The following CCSER1 variants were observed in gnomAD, a reference collection of about 807,000 sequenced individuals.
CCSER1 encodes serine-rich coiled-coil domain-containing protein 1.
CCSER1 carries 41 observed loss-of-function variants against 82.0 expected under a neutral mutation model. The ratio of observed to expected loss-of-function variants is 0.50; its 90% CI spans 0.39 to 0.65. The LOEUF (loss-of-function observed/expected upper bound fraction) is 0.65. CCSER1 is among the 30% of genes least tolerant of loss of function. The pLI is 0.00. For synonymous variants in CCSER1, 414 were observed against 383.9 expected, an observed-to-expected ratio of 1.08 and a Z score of -0.92; for missense variants, 1,119 against 1,064.2, an observed-to-expected ratio of 1.05 and a Z score of -0.72.
At chr4:90,752,680 C>T (rs914831991) in intron 7 of CCSER1, among the ~76,000 whole-genome samples, 1 of 152,048 alleles carries the variant, frequency 6.6e-6, no homozygotes, top group African/African-American at 2.4e-5. Flanking sequence ...CCTACAGCCT[C>T]TTCTCCAGAT....
chr4:91,325,755 C>A (rs1746513399), intron 10 of CCSER1, among the ~76,000 whole-genome samples: 1 of 152,150 alleles, frequency 6.6e-6, no homozygotes, highest in African/African-American at 2.4e-5. Flanking sequence ...TATTTCAGTT[C>A]CAGTATCAAT....
At chr4:90,559,835 A>G (rs1453200048) in intron 5 of CCSER1, among the ~76,000 whole-genome samples, 2 of 148,764 alleles carry the variant, frequency 1.3e-5, no homozygotes, top group Non-Finnish European at 3.0e-5. Flanking sequence ...AAAAAAAAAA[A>G]TAGCCGGGCA....
At chr4:90,422,509 C>A (rs142083482) in intron 4 of CCSER1, among the ~76,000 whole-genome samples, 1 of 152,058 alleles carries the variant, frequency 6.6e-6, no homozygotes, top group Non-Finnish European at 1.5e-5. Flanking sequence ...GTGGGAGGAT[C>A]GCTTACACCC....
At position 91,486,890 on chromosome 4, in the gene CCSER1, A is replaced by G. The variant is rs894707248; in HGVS notation, c.2218-111682A>G. On this transcript the variant is annotated intron_variant, in intron 10 of 10. Transcript: ENST00000509176. ...TAGATCTGCTCTTAGATTTTTTCCT[A>G]TAGGGATTGATTACCATTGTATAAT... 3.9e-5 allele frequency among the ~76,000 whole-genome samples: 6 copies of G among 152,086 alleles called. No individual in the cohort carries two copies. The East Asian group carries it at 1.2e-3, about 29-fold the overall frequency.
intron 9 of CCSER1, among the ~76,000 whole-genome samples, chr4:91,036,871 G>A (rs2150567959): frequency 6.6e-6 from 1 of 152,166 alleles, no homozygotes; most frequent in African/African-American, 2.4e-5. Flanking sequence ...TTGAGGTCAG[G>A]AGTTCGAGAC....
At chr4:91,357,358 T>C (rs1748915105) in intron 10 of CCSER1, among the ~76,000 whole-genome samples, 1 of 152,196 alleles carries the variant, frequency 6.6e-6, no homozygotes, top group South Asian at 2.1e-4. Context: ...ATAGACTCTT[T>C]AATCTTTTAT....
intron 9 of CCSER1, among the ~76,000 whole-genome samples, chr4:91,047,437 GA>G (rs1742609112): frequency 6.6e-6 from 1 of 151,912 alleles, no homozygotes; most frequent in Non-Finnish European, 1.5e-5. Context: ...CCACAATAAA[GA>G]AGCCATATAT....
chr4:90,713,792 G>T (rs758212480), intron 6 of CCSER1, among the ~76,000 whole-genome samples: 1 of 151,738 alleles, frequency 6.6e-6, no homozygotes, highest in Non-Finnish European at 1.5e-5. Context: ...ATCAGTCGTA[G>T]GTTCAGTCTC....
In CCSER1 at chr4:91,489,220, G is replaced by A. The variant is rs376222885; in HGVS notation, c.2218-109352G>A. Among the ~76,000 whole-genome samples the A allele has an allele frequency of 7.3e-4, 111 of 152,246 alleles. 1 individual carries two copies. In the East Asian group the frequency reaches 0.016, roughly 22 times the overall value. On this transcript the variant is annotated intron_variant, in intron 10 of 10. Transcript: ENST00000509176. ...AATTAAGTGACCAAAGCAGAGAGGG[G>A]TAGAAGAGGTATTGGGGTAGAATAT... is the stretch of plus-strand genomic sequence containing the variant.
At chr4:91,067,629 GC>G (rs34190587) in intron 9 of CCSER1, among the ~76,000 whole-genome samples, 59,665 of 151,804 alleles carry the variant, frequency 0.39, 12,656 homozygotes, top group East Asian at 0.69. Flanking sequence ...ACAGGTATGA[GC>G]CACTGCACCC....
At chr4:90,595,161 G>A (rs1036212444) in intron 5 of CCSER1, among the ~76,000 whole-genome samples, 7 of 151,720 alleles carry the variant, frequency 4.6e-5, no homozygotes, top group Non-Finnish European at 7.4e-5. Context: ...ATGTAATTTC[G>A]AATGCAATGT....
intron 1 of CCSER1, among the ~76,000 whole-genome samples, chr4:90,307,337 A>G (rs1323832495): frequency 6.6e-6 from 1 of 152,008 alleles, no homozygotes; most frequent in African/African-American, 2.4e-5. Flanking sequence ...ACTTCTCTCA[A>G]GGTTACCAAC....
At chr4:91,308,286 A>G (rs1433625203) in intron 10 of CCSER1, among the ~76,000 whole-genome samples, 1 of 151,944 alleles carries the variant, frequency 6.6e-6, no homozygotes, top group Non-Finnish European at 1.5e-5. Flanking sequence ...TACAAGTGAC[A>G]GGGCTGACTC....
intron 10 of CCSER1, among the ~76,000 whole-genome samples, chr4:91,475,826 A>G (rs1757560967): frequency 6.6e-6 from 1 of 151,762 alleles, no homozygotes; most frequent in African/African-American, 2.4e-5. Context: ...TCTGGTAACC[A>G]CTATTCTACT....
chr4:90,186,588 C>T (rs759023385), intron 1 of CCSER1, among the ~76,000 whole-genome samples: 10 of 151,860 alleles, frequency 6.6e-5, no homozygotes, highest in South Asian at 2.1e-4. Context: ...TATTGTATAA[C>T]GAAATGTATA....
intron 9 of CCSER1, among the ~76,000 whole-genome samples, chr4:91,070,369 T>A (rs1329617628): frequency 6.6e-6 from 1 of 152,234 alleles, no homozygotes; most frequent in Admixed American, 6.5e-5. Flanking sequence ...TTAGTTGAAC[T>A]CAGTTTATAT....
chr4:91,207,360 T>C (rs1259823182), intron 10 of CCSER1, among the ~76,000 whole-genome samples: 1 of 151,662 alleles, frequency 6.6e-6, no homozygotes, highest in East Asian at 1.9e-4. Flanking sequence ...TTCTTTTTTT[T>C]TGGAACATCT....
chr4:90,551,700 C>A (rs1283921107), intron 5 of CCSER1, among the ~76,000 whole-genome samples: 25 of 117,218 alleles, frequency 2.1e-4, no homozygotes, highest in African/African-American at 5.0e-4. Context: ...CTCTCTCTCT[C>A]TCTCTCTATA....
intron 9 of CCSER1, among the ~76,000 whole-genome samples, chr4:91,046,350 A>G (rs187202503): frequency 1.3e-3 from 163 of 128,770 alleles, no homozygotes; most frequent in African/African-American, 3.7e-3. Flanking sequence ...TCATTTTTAG[A>G]AAATTCTTAC....
Sources: gnomAD v4.1 joint callset for allele counts (sites outside exome capture counted in the v4.1 genomes callset) on GRCh38, gnomAD v4.1.1 for gene constraint, MANE v1.5 for transcripts, NCBI Gene and HGNC (gene_info 2026-07-23, HGNC 2026-07-21) for gene names.